TRPM3: variants seen among roughly 807,000 people sequenced by gnomAD.
TRPM3 encodes the protein transient receptor potential cation channel subfamily M member 3.
TRPM3 carries 77 observed loss-of-function variants against 181.2 expected under a neutral mutation model. The observed-to-expected ratio is 0.42, with a 90% CI of 0.35 to 0.51. TRPM3 has a LOEUF of 0.51. Ranked by LOEUF, TRPM3 falls within the 20% of genes least tolerant of loss-of-function variation. TRPM3 has a pLI of 0.01. For missense variants in TRPM3, 1,759 were observed against 2,196.7 expected, an observed-to-expected ratio of 0.80 and a Z score of 3.98; for synonymous variants, 745 against 796.4, an observed-to-expected ratio of 0.94 and a Z score of 1.09.
chr9:70,797,919 T>G (rs996368428), intron 6 of TRPM3, among the ~76,000 whole-genome samples: 4 of 152,256 alleles, frequency 2.6e-5, no homozygotes, highest in African/African-American at 7.2e-5. Flanking sequence ...TAAACCCACT[T>G]GGCCAATAAA....
intron 12 of TRPM3, among the ~76,000 whole-genome samples, chr9:70,627,896 AC>A (rs2064962541): frequency 6.6e-6 from 1 of 152,018 alleles, no homozygotes; most frequent in Non-Finnish European, 1.5e-5. Flanking sequence ...TATCCATCTA[AC>A]TGAATCAGCA....
chr9:70,771,037 C>T (rs145530529), intron 7 of TRPM3, among the ~76,000 whole-genome samples: 1 of 152,294 alleles, frequency 6.6e-6, no homozygotes, highest in East Asian at 1.9e-4. Flanking sequence ...AGCTCATTAG[C>T]TCTTGGATCA....
chr9:70,918,368 T>A (rs1189646691), intron 1 of TRPM3, among the ~76,000 whole-genome samples: 2 of 152,108 alleles, frequency 1.3e-5, no homozygotes, highest in Admixed American at 1.3e-4. Context: ...AAACTATATG[T>A]CGGATCACAA....
chr9:71,406,054 T>A lies in TRPM3; in HGVS notation c.183+40599A>T, dbSNP rs1185251007. 3.3e-5 allele frequency among the ~76,000 whole-genome samples: 5 copies of A among 152,154 alleles called. No homozygotes were observed. The East Asian group carries it at 9.6e-4, about 29-fold the overall frequency. ...ACTTCAGGAGGCCAAGGCAGGCAGA[T>A]CACGAGGTCAAGAGATCGAGACCAT... On this transcript the variant is annotated intron_variant, in intron 1 of 24. Transcript: ENST00000357533.
At chr9:71,140,571 C>T (rs59814681) in intron 1 of TRPM3, among the ~76,000 whole-genome samples, 56 of 152,222 alleles carry the variant, frequency 3.7e-4, no homozygotes, top group African/African-American at 1.1e-3. Flanking sequence ...AATATTTTTA[C>T]GTTACAGTAT....
chr9:70,883,455 C>T (rs985426748), intron 1 of TRPM3, among the ~76,000 whole-genome samples: 1 of 152,140 alleles, frequency 6.6e-6, no homozygotes, highest in Non-Finnish European at 1.5e-5. Flanking sequence ...ATTATGAGTA[C>T]TCTATAGTGC....
chr9:71,427,128 AT>A (rs1473796007), intron 1 of TRPM3, among the ~76,000 whole-genome samples: 1 of 152,078 alleles, frequency 6.6e-6, no homozygotes, highest in African/African-American at 2.4e-5. Context: ...GCCTTACGGT[AT>A]TTTTTTTCTT....
chr9:70,974,693 C>T (rs969778377), intron 1 of TRPM3, among the ~76,000 whole-genome samples: 1 of 151,880 alleles, frequency 6.6e-6, no homozygotes, highest in South Asian at 2.1e-4. Context: ...CACACGACTG[C>T]ACTCCAGTCT....
At chr9:71,142,598 T>C (rs1364847944) in intron 1 of TRPM3, among the ~76,000 whole-genome samples, 1 of 152,162 alleles carries the variant, frequency 6.6e-6, no homozygotes, top group Non-Finnish European at 1.5e-5. Flanking sequence ...GTTTAAATTT[T>C]AATATTGAAA....
chr9:70,963,677 C>T (rs1002495509), intron 1 of TRPM3, among the ~76,000 whole-genome samples: 4 of 152,108 alleles, frequency 2.6e-5, no homozygotes, highest in Non-Finnish European at 4.4e-5. Context: ...ATAACCTGTT[C>T]AAGTTCACGC....
intron 1 of TRPM3, among the ~76,000 whole-genome samples, chr9:71,329,946 T>G (rs917266271): frequency 3.3e-5 from 5 of 152,154 alleles, no homozygotes; most frequent in Non-Finnish European, 5.9e-5. Flanking sequence ...TTTTCTAAGA[T>G]TTAATTCACA....
At chr9:71,032,941 T>TTTACCTTGA (rs2057721116) in intron 1 of TRPM3, among the ~76,000 whole-genome samples, 1 of 152,236 alleles carries the variant, frequency 6.6e-6, no homozygotes, top group Non-Finnish European at 1.5e-5. Flanking sequence ...CATAGCTCCA[T>TTTACCTTGA]TTACCTTGAT....
At chr9:71,093,591 A>G (rs929871022) in intron 1 of TRPM3, among the ~76,000 whole-genome samples, 1 of 152,182 alleles carries the variant, frequency 6.6e-6, no homozygotes, top group Non-Finnish European at 1.5e-5. Context: ...GCAACAATAG[A>G]TGCTGGAAAG....
chr9:71,271,878 G>A (rs553937656), intron 1 of TRPM3, among the ~76,000 whole-genome samples: 1 of 150,882 alleles, frequency 6.6e-6, no homozygotes, highest in East Asian at 1.9e-4. Flanking sequence ...AGAGTGATGA[G>A]AAGAGAAAAA....
chr9:70,898,352 G>A (rs973567284), intron 1 of TRPM3, among the ~76,000 whole-genome samples: 5 of 151,392 alleles, frequency 3.3e-5, no homozygotes, highest in African/African-American at 1.2e-4. Context: ...TCGATCTCCT[G>A]ACCTCGTGAT....
intron 1 of TRPM3, among the ~76,000 whole-genome samples, chr9:71,002,029 G>A (rs879531965): frequency 6.6e-6 from 1 of 152,130 alleles, no homozygotes; most frequent in South Asian, 2.1e-4. Flanking sequence ...TAGCAATCAG[G>A]TAAATGAAAG....
At chr9:71,198,685 G>T (rs970037684) in intron 1 of TRPM3, among the ~76,000 whole-genome samples, 10 of 151,348 alleles carry the variant, frequency 6.6e-5, no homozygotes, top group Non-Finnish European at 1.3e-4. Flanking sequence ...TCTGTTATTG[G>T]TGTGTAAGAA....
chr9:71,068,076 G>A (rs1277333564), intron 1 of TRPM3, among the ~76,000 whole-genome samples: 1 of 152,088 alleles, frequency 6.6e-6, no homozygotes, highest in Non-Finnish European at 1.5e-5. Flanking sequence ...TGGTTCTTCT[G>A]GCTCTGATTG....
intron 1 of TRPM3, among the ~76,000 whole-genome samples, chr9:70,994,223 G>A (rs2097521966): frequency 6.6e-6 from 1 of 152,176 alleles, no homozygotes; most frequent in Admixed American, 6.5e-5. Flanking sequence ...AAGCTACAGA[G>A]AGAATGAACT....
Sources: allele counts gnomAD v4.1 joint callset (sites outside exome capture counted in the v4.1 genomes callset), GRCh38; gene constraint gnomAD v4.1.1; transcripts MANE v1.5; gene names NCBI Gene and HGNC (gene_info 2026-07-23, HGNC 2026-07-21).